ERC2: variants seen among roughly 807,000 people sequenced by gnomAD.
The protein encoded by ERC2 is ERC protein 2.
Under a neutral mutation model 114.8 loss-of-function variants are expected in ERC2, and 42 were observed. The observed-to-expected ratio is 0.37, with a 90% CI of 0.29 to 0.47. The LOEUF (loss-of-function observed/expected upper bound fraction) is 0.47, where lower values mean the gene tolerates loss of function less well. Among genes scored for constraint, ERC2 ranks in the 20% least tolerant of loss-of-function variants. The probability of loss-of-function intolerance (pLI) is 0.99; values close to 1 mark genes in which losing one functional copy is unlikely to be tolerated. For missense variants in ERC2, 939 were observed against 1,150.7 expected (o/e 0.82, Z 2.66); for synonymous variants, 454 against 425.5 (o/e 1.07, Z -0.82).
intron 6 of ERC2, among the ~76,000 whole-genome samples, chr3:56,100,927 C>A (rs2078318057): frequency 1.3e-5 from 2 of 152,186 alleles, no homozygotes. Context: ...AACTCCCTCT[C>A]TTACCTCTAA....
At chr3:55,513,636 A>G (rs889715437) in intron 17 of ERC2, among the ~76,000 whole-genome samples, 1 of 151,446 alleles carries the variant, frequency 6.6e-6, no homozygotes, top group Admixed American at 6.6e-5. Context: ...ATATATATAT[A>G]CATATCTTTT....
intron 2 of ERC2, among the ~76,000 whole-genome samples, chr3:56,369,700 C>T (rs2059289927): frequency 6.7e-6 from 1 of 149,478 alleles, no homozygotes; most frequent in Non-Finnish European, 1.5e-5. Context: ...TTTTTTGAGA[C>T]GGAGTCTCGC....
intron 17 of ERC2, among the ~76,000 whole-genome samples, chr3:55,581,223 T>G (rs970598474): frequency 6.6e-6 from 1 of 152,292 alleles, no homozygotes; most frequent in Non-Finnish European, 1.5e-5. Context: ...TTCAAATGCT[T>G]AAGTCCTAAG....
At chr3:56,441,215 C>T (rs1023407979) in intron 1 of ERC2, among the ~76,000 whole-genome samples, 9 of 152,152 alleles carry the variant, frequency 5.9e-5, no homozygotes, top group Non-Finnish European at 1.0e-4. Context: ...AGAGAGGCCA[C>T]GTGAAGGAGA....
intron 17 of ERC2, among the ~76,000 whole-genome samples, chr3:55,553,563 G>A (rs1207949684): frequency 2.6e-5 from 4 of 151,942 alleles, no homozygotes; most frequent in Non-Finnish European, 5.9e-5. Context: ...GGCAGATCAT[G>A]AGGTCAGGAG....
intron 3 of ERC2, among the ~76,000 whole-genome samples, chr3:56,273,067 T>G (rs544958251): frequency 6.6e-6 from 1 of 152,274 alleles, no homozygotes; most frequent in East Asian, 1.9e-4. Context: ...ATATCCTGAT[T>G]ATTATCTGCT....
intron 6 of ERC2, among the ~76,000 whole-genome samples, chr3:56,088,416 T>C (rs2077615671): frequency 6.6e-6 from 1 of 152,150 alleles, no homozygotes; most frequent in Non-Finnish European, 1.5e-5. Context: ...TCACTCTTTC[T>C]ATATATAGGA....
At chr3:55,527,523 C>T (rs965421346) in intron 17 of ERC2, among the ~76,000 whole-genome samples, 1 of 152,154 alleles carries the variant, frequency 6.6e-6, no homozygotes, top group Non-Finnish European at 1.5e-5. Flanking sequence ...CTCAACTGAC[C>T]GTCATGACAA....
At chr3:55,861,026 T>A (rs2062004888) in intron 14 of ERC2, among the ~76,000 whole-genome samples, 1 of 152,192 alleles carries the variant, frequency 6.6e-6, no homozygotes, top group South Asian at 2.1e-4. Context: ...AATAGAAAGG[T>A]AGGGGTTTGC....
chr3:55,967,800 A>C (rs2068853827), intron 12 of ERC2, among the ~76,000 whole-genome samples: 1 of 152,178 alleles, frequency 6.6e-6, no homozygotes, highest in Admixed American at 6.5e-5. Context: ...TGGGTTCCTT[A>C]TGAAAGGACA....
intron 14 of ERC2, among the ~76,000 whole-genome samples, chr3:55,764,759 C>T (rs1011515654): frequency 6.6e-6 from 1 of 152,170 alleles, no homozygotes; most frequent in Non-Finnish European, 1.5e-5. Flanking sequence ...ATTCATGAGA[C>T]CAACTGACAC....
At chr3:55,569,253 T>G (rs955390223) in intron 17 of ERC2, among the ~76,000 whole-genome samples, 1 of 152,054 alleles carries the variant, frequency 6.6e-6, no homozygotes, top group African/African-American at 2.4e-5. Flanking sequence ...CAAATACACA[T>G]GAAGACCGCA....
intron 2 of ERC2, among the ~76,000 whole-genome samples, chr3:56,410,933 A>G (rs1380082442): frequency 6.6e-6 from 1 of 151,904 alleles, no homozygotes; most frequent in Non-Finnish European, 1.5e-5. Flanking sequence ...TACAGTAGGA[A>G]TATGATATTT....
At chr3:56,453,550 C>A (rs767088938) in intron 1 of ERC2, among the ~76,000 whole-genome samples, 2 of 152,204 alleles carry the variant, frequency 1.3e-5, no homozygotes, top group Non-Finnish European at 2.9e-5. Flanking sequence ...TGATTTATCT[C>A]TCATTTCTCT....
intron 1 of ERC2, among the ~76,000 whole-genome samples, chr3:56,439,988 T>C (rs1438200290): frequency 6.6e-6 from 1 of 152,234 alleles, no homozygotes; most frequent in Non-Finnish European, 1.5e-5. Flanking sequence ...CTAGTTCAAA[T>C]TGTATAGCAT....
chr3:56,187,521 A>T (rs530551521), intron 3 of ERC2, among the ~76,000 whole-genome samples: 1 of 152,276 alleles, frequency 6.6e-6, no homozygotes, highest in Admixed American at 6.5e-5. Flanking sequence ...TTGTCCCCAG[A>T]TGAGATGCAC....
intron 10 of ERC2, among the ~76,000 whole-genome samples, chr3:55,995,142 G>A (rs545108274): frequency 6.6e-6 from 1 of 152,258 alleles, no homozygotes; most frequent in African/African-American, 2.4e-5. Context: ...AGACCATCCT[G>A]GCCAATATGG....
chr3:56,395,556 C>G (rs2060276029), intron 2 of ERC2, among the ~76,000 whole-genome samples: 1 of 152,036 alleles, frequency 6.6e-6, no homozygotes, highest in Non-Finnish European at 1.5e-5. Context: ...CTTGCAAGAT[C>G]TGGTCATTTA....
chr3:55,623,333 C>T (rs981923959), intron 17 of ERC2, among the ~76,000 whole-genome samples: 4 of 152,226 alleles, frequency 2.6e-5, no homozygotes, highest in Admixed American at 1.3e-4. Flanking sequence ...TTCTATTCCT[C>T]TGTTAAGCAC....
Sources: gnomAD v4.1 joint callset for allele counts (sites outside exome capture counted in the v4.1 genomes callset) on GRCh38, gnomAD v4.1.1 for gene constraint, MANE v1.5 for transcripts, NCBI Gene and HGNC (gene_info 2026-07-23, HGNC 2026-07-21) for gene names.